The following TBL1XR1 variants were observed in gnomAD, a reference collection of about 807,000 sequenced individuals.
The protein encoded by TBL1XR1 is F-box-like/WD repeat-containing protein TBL1XR1.
TBL1XR1 carries 5 observed loss-of-function variants against 66.9 expected under a neutral mutation model. That is an observed-to-expected ratio of 0.07 (90% CI 0.04 to 0.16). The LOEUF (loss-of-function observed/expected upper bound fraction) is 0.16, where lower values mean the gene tolerates loss of function less well. TBL1XR1 is among the 10% of genes least tolerant of loss of function. The pLI is 1.00. For synonymous variants in TBL1XR1, 210 were observed against 206.0 expected, an observed-to-expected ratio of 1.02 and a Z score of -0.17; for missense variants, 238 against 623.2, an observed-to-expected ratio of 0.38 and a Z score of 6.58.
At chr3:177,198,352 GTTC>G (rs1366272728), upstream of TBL1XR1, among the ~76,000 whole-genome samples, 1 of 152,290 alleles carries the variant, frequency 6.6e-6, no homozygotes, top group Middle Eastern at 3.4e-3. Flanking sequence ...TGCTCGATCA[GTTC>G]TTATTTCACA....
intron 1 of TBL1XR1, among the ~76,000 whole-genome samples, chr3:177,126,587 A>C (rs1053743894): frequency 3.9e-5 from 6 of 152,106 alleles, no homozygotes; most frequent in African/African-American, 1.4e-4. Flanking sequence ...TTTGAACCTA[A>C]GTCATCACTT....
At chr3:177,109,232 C>G (rs968018042) in intron 1 of TBL1XR1, among the ~76,000 whole-genome samples, 5 of 151,940 alleles carry the variant, frequency 3.3e-5, no homozygotes, top group African/African-American at 1.2e-4. Flanking sequence ...TTTAATTGAA[C>G]ATAAACTGAA....
intron 1 of TBL1XR1, among the ~76,000 whole-genome samples, chr3:177,137,608 G>A (rs1026915464): frequency 2.6e-5 from 4 of 152,214 alleles, no homozygotes; most frequent in African/African-American, 2.4e-5. Flanking sequence ...GTTCAAGGCA[G>A]ACAAATGTAT....
upstream of TBL1XR1, among the ~76,000 whole-genome samples, chr3:177,200,599 A>G (rs1182580393): frequency 6.6e-6 from 1 of 152,260 alleles, no homozygotes; most frequent in Non-Finnish European, 1.5e-5. Context: ...TGTTACTAAT[A>G]TTCAGTACTT....
chr3:177,107,106 T>A (rs1022584136), intron 1 of TBL1XR1, among the ~76,000 whole-genome samples: 3 of 149,946 alleles, frequency 2.0e-5, no homozygotes, highest in Non-Finnish European at 4.5e-5. Context: ...TAGGCCTCTT[T>A]AAAAAAAAAA....
intron 3 of TBL1XR1, 122 bp from the exon 4 acceptor site, chr3:177,054,040 A>C: frequency 4.9e-6 from 5 of 1,015,430 alleles, no homozygotes; most frequent in African/African-American, 1.9e-5. Flanking sequence ...ATCCCAGACG[A>C]AGGTCGTGTG....
chr3:177,173,365 A>G (rs1030303238), intron 1 of TBL1XR1, among the ~76,000 whole-genome samples: 20 of 152,358 alleles, frequency 1.3e-4, no homozygotes, highest in African/African-American at 4.8e-4. Context: ...AGCGAAAAAC[A>G]GTAATTTCAG....
intron 13 of TBL1XR1, 139 bp downstream of exon 13, chr3:177,034,059 T>C (rs1714407164): frequency 1.4e-5 from 13 of 927,908 alleles, no homozygotes; most frequent in African/African-American, 1.7e-5. Context: ...AAACCACCTA[T>C]ACACCAAAAA....
At chr3:177,111,293 G>A (rs1252941219) in intron 1 of TBL1XR1, among the ~76,000 whole-genome samples, 2 of 144,810 alleles carry the variant, frequency 1.4e-5, no homozygotes, top group Non-Finnish European at 3.0e-5. Flanking sequence ...TTTTTTTAAA[G>A]ACAGAGCCTT....
intron 1 of TBL1XR1, chr3:177,136,168 A>C (rs1043739960): frequency 6.6e-6 from 1 of 152,216 alleles, no homozygotes; most frequent in African/African-American, 2.4e-5. Context: ...TGCTTCATGA[A>C]ACTAATTTCA....
chr3:177,195,903 C>A (rs1234754295), intron 1 of TBL1XR1, among the ~76,000 whole-genome samples: 1 of 152,166 alleles, frequency 6.6e-6, no homozygotes, highest in Non-Finnish European at 1.5e-5. Context: ...CTGGTGCCTG[C>A]ACAGTCCAAG....
rs1370153583 is a variant in TBL1XR1 at position 177,022,325 on chromosome 3, A to G, written c.*3173T>C. ...ATTTAATCCTAAAACATACTTACCT[A>G]GAGAATAATTAAAACAGAATTCAAT... is the stretch of plus-strand genomic sequence containing the variant. On this transcript the variant is annotated 3_prime_UTR_variant, in exon 16 of 16. Coordinates refer to ENST00000457928, the MANE Select transcript of TBL1XR1 (RefSeq NM_024665.7). The G allele has an allele frequency of 6.6e-6, 1 of 152,536 alleles. No individual in the cohort carries two copies. Among genetic ancestry groups the G allele is most frequent in the Non-Finnish European group, 1.5e-5 (1 of 67,962 alleles). The allele number at this position is 152,536 out of a possible 1,614,324, so 9.4% of individuals were successfully genotyped here.
intron 2 of TBL1XR1, among the ~76,000 whole-genome samples, chr3:177,096,912 G>A (rs573001465): frequency 9.9e-5 from 15 of 152,164 alleles, no homozygotes; most frequent in Non-Finnish European, 5.9e-5. Context: ...CTATCAACCC[G>A]AGAGAGAAAA....
At chr3:177,088,369 CTATATA>C (rs373548337) in intron 2 of TBL1XR1, among the ~76,000 whole-genome samples, 1 of 151,628 alleles carries the variant, frequency 6.6e-6, no homozygotes, top group African/African-American at 2.4e-5. Context: ...TGCCCTCAGG[CTATATA>C]TATATAAGGA....
At position 177,034,311 on chromosome 3, in the gene TBL1XR1, T is replaced by C; in HGVS notation, c.1137A>G (p.Lys379=). 6.3e-7 allele frequency: 1 copy of C among 1,579,258 alleles called. No homozygotes were observed. Among genetic ancestry groups the C allele is most frequent in the Non-Finnish European group, 8.6e-7 (1 of 1,169,410 alleles). Reference sequence around the variant, plus strand: ...GCAAATCATGGACACAATTGTCTTGTTTCATACTCCATATCTAAACAAAAA... The same window carrying C: ...GCAAATCATGGACACAATTGTCTTGCTTCATACTCCATATCTAAACAAAAA... ...DDMTLKIWSM[K]QDNCVHDLQA... is the part of the protein sequence containing the mutation. The change falls in exon 13 of 16, where the codon AAA becomes AAG. Residue 379 remains lysine (K), a synonymous_variant. Transcript: ENST00000457928.
At chr3:177,118,643 T>G (rs1726601510) in intron 1 of TBL1XR1, among the ~76,000 whole-genome samples, 2 of 152,226 alleles carry the variant, frequency 1.3e-5, no homozygotes, top group South Asian at 4.1e-4. Context: ...AGTTCTTCAT[T>G]CATTTAATAA....
rs200256437 is a variant in TBL1XR1 at position 177,117,960 on chromosome 3, C to T, written c.-121-19419G>A. ...ATGCAAGGTAGTAAGAAATCAGAAA[C>T]CAGGAGTCTATCGTAGGTAGTAAGA... On this transcript the variant is annotated intron_variant, in intron 1 of 15. Coordinates refer to ENST00000457928, the MANE Select transcript of TBL1XR1 (RefSeq NM_024665.7). 5.3e-5 allele frequency among the ~76,000 whole-genome samples: 8 copies of T among 152,264 alleles called. No individual in the cohort carries two copies. In the East Asian group the frequency reaches 1.5e-3, roughly 29 times the overall value.
chr3:177,026,304 TAAC>T, intron 15 of TBL1XR1, 66 bp downstream of exon 15: 1 of 1,237,968 alleles, frequency 8.1e-7, no homozygotes, highest in South Asian at 1.4e-5. Context: ...TTGGTATCAC[TAAC>T]AATAAGCTGC....
At chr3:177,072,898 T>C (rs1219129633) in intron 2 of TBL1XR1, among the ~76,000 whole-genome samples, 1 of 152,128 alleles carries the variant, frequency 6.6e-6, no homozygotes, top group African/African-American at 2.4e-5. Context: ...ACCCTGTCTC[T>C]ATTAAAAATA....
Sources: allele counts gnomAD v4.1 joint callset (sites outside exome capture counted in the v4.1 genomes callset), GRCh38; gene constraint gnomAD v4.1.1; transcripts MANE v1.5; gene names NCBI Gene and HGNC (gene_info 2026-07-23, HGNC 2026-07-21).